CSMD1: variants seen among roughly 807,000 people sequenced by gnomAD.
CSMD1 encodes the protein CUB and sushi domain-containing protein 1.
In CSMD1, 213 loss-of-function variants were observed where a neutral mutation model predicts 417.5. The observed-to-expected ratio is 0.51, with a 90% CI of 0.46 to 0.57. The LOEUF (loss-of-function observed/expected upper bound fraction) is 0.57, where lower values mean the gene tolerates loss of function less well. Ranked by LOEUF, CSMD1 falls within the 20% of genes least tolerant of loss-of-function variation. The pLI, the probability that CSMD1 is intolerant of heterozygous loss-of-function variation, is 0.00. For synonymous variants in CSMD1, 2,862 were observed against 1,736.8 expected, an observed-to-expected ratio of 1.65 and a Z score of -16.11; for missense variants, 6,923 against 4,529.7, an observed-to-expected ratio of 1.53 and a Z score of -15.17.
chr8:3,108,219 C>T (rs943685674), intron 44 of CSMD1, among the ~76,000 whole-genome samples: 20 of 152,104 alleles, frequency 1.3e-4, no homozygotes, highest in Non-Finnish European at 2.8e-4. Context: ...TTCTACATAT[C>T]GTTTAGAGTG....
At chr8:3,863,262 T>C (rs994261593) in intron 5 of CSMD1, among the ~76,000 whole-genome samples, 4 of 152,094 alleles carry the variant, frequency 2.6e-5, no homozygotes, top group Admixed American at 2.6e-4. Context: ...CTAGGTCTGG[T>C]GGCAGGCACC....
chr8:2,947,697 G>A (rs1802346941), intron 68 of CSMD1, among the ~76,000 whole-genome samples: 1 of 152,180 alleles, frequency 6.6e-6, no homozygotes, highest in African/African-American at 2.4e-5. Context: ...ACTAGAGCGT[G>A]TGCTACAGAG....
chr8:3,070,847 G>C (rs939183025), intron 49 of CSMD1, among the ~76,000 whole-genome samples: 21 of 152,202 alleles, frequency 1.4e-4, no homozygotes, highest in African/African-American at 4.8e-4. Context: ...CCAATTTTCT[G>C]TATTAGGCAA....
At chr8:4,322,771 G>A (rs1444073083) in intron 3 of CSMD1, among the ~76,000 whole-genome samples, 2 of 152,192 alleles carry the variant, frequency 1.3e-5, no homozygotes, top group Non-Finnish European at 2.9e-5. Context: ...GAGGTAGGCG[G>A]ATCACTTGAC....
At chr8:4,485,185 G>C (rs568728671) in intron 2 of CSMD1, among the ~76,000 whole-genome samples, 2 of 151,986 alleles carry the variant, frequency 1.3e-5, no homozygotes, top group African/African-American at 4.8e-5. Flanking sequence ...TATAAAGAGA[G>C]TGTCCTTAAT....
chr8:3,754,142 C>G, intron 5 of CSMD1, 100 bp from the exon 6 acceptor site: 1 of 670,840 alleles, frequency 1.5e-6, no homozygotes, highest in South Asian at 1.8e-5. Context: ...AATCCTTCAT[C>G]TTGAGATGCT....
At position 4,574,838 on chromosome 8, in the gene CSMD1, C is replaced by T. The variant is rs141544085; in HGVS notation, c.302+62504G>A. On this transcript the variant is annotated intron_variant, in intron 2 of 69. Transcript: ENST00000635120. Reference sequence around the variant, plus strand: ...CAAAACTAAAACAACAAAAATCTTTCATGATTCAAGTGCTTCTTCGTCCAA... The same window carrying T: ...CAAAACTAAAACAACAAAAATCTTTTATGATTCAAGTGCTTCTTCGTCCAA... Among the ~76,000 whole-genome samples the T allele has an allele frequency of 2.4e-3, 367 of 152,302 alleles. 4 individuals are homozygous for T. The highest frequency in any genetic ancestry group is 8.6e-3 in the African/African-American group (356 of 41,568).
At chr8:3,942,564 C>A (rs1245901532) in intron 5 of CSMD1, among the ~76,000 whole-genome samples, 4 of 152,162 alleles carry the variant, frequency 2.6e-5, no homozygotes, top group African/African-American at 9.7e-5. Flanking sequence ...GTGCTCAGTT[C>A]AGCTTCACAG....
chr8:4,101,869 C>T (rs1801321546), intron 3 of CSMD1, among the ~76,000 whole-genome samples: 1 of 152,248 alleles, frequency 6.6e-6, no homozygotes, highest in African/African-American at 2.4e-5. Flanking sequence ...ATTGCAATTG[C>T]CCATCATCTT....
At chr8:4,680,795 G>C (rs1270852038) in intron 1 of CSMD1, among the ~76,000 whole-genome samples, 1 of 152,026 alleles carries the variant, frequency 6.6e-6, no homozygotes, top group African/African-American at 2.4e-5. Context: ...GGCCAGGATG[G>C]TCTTGATCTC....
chr8:3,584,538 A>T (rs202086802), intron 9 of CSMD1, among the ~76,000 whole-genome samples: 1 of 71,678 alleles, frequency 1.4e-5, no homozygotes, highest in Non-Finnish European at 4.6e-5. Context: ...AGCACCTCTG[A>T]GTGTGTGATA....
Position 3,018,557 on chromosome 8 carries a change from G to A in CSMD1, c.7949C>T (p.Thr2650Ile). The A allele has an allele frequency of 1.9e-6, 3 of 1,613,532 alleles. No homozygotes were observed. Among genetic ancestry groups the A allele is most frequent in the South Asian group, 1.1e-5 (1 of 91,038 alleles). ...ATGAGACCCCACAAGCGTGTAGCCG[G>A]TGTTGCACGTAAATATAGCTGTGGC... ...YGATAIFTCNTGYTLVGSHVR... is the reference protein window; with the variant it reads ...YGATAIFTCNIGYTLVGSHVR... Residue 2650 changes from threonine (T) to isoleucine (I), a missense_variant, in exon 52 of 70, where the codon ACC becomes ATC. Transcript: ENST00000635120.
chr8:4,656,141 G>T (rs1321198247), intron 1 of CSMD1, among the ~76,000 whole-genome samples: 1 of 152,018 alleles, frequency 6.6e-6, no homozygotes, highest in Non-Finnish European at 1.5e-5. Flanking sequence ...GAGGTGATGT[G>T]AAGCAAGGAT....
intron 7 of CSMD1, among the ~76,000 whole-genome samples, chr8:3,617,494 T>C (rs971144128): frequency 1.3e-5 from 2 of 152,166 alleles, no homozygotes; most frequent in African/African-American, 2.4e-5. Flanking sequence ...AGGAATTTGC[T>C]TAGCAGAGGG....
chr8:4,074,998 T>A (rs1236844427), intron 3 of CSMD1, among the ~76,000 whole-genome samples: 1 of 152,160 alleles, frequency 6.6e-6, no homozygotes, highest in Non-Finnish European at 1.5e-5. Flanking sequence ...ACTCTACAAA[T>A]GGGGACATGC....
chr8:3,085,469 G>C (rs990413669), intron 49 of CSMD1, among the ~76,000 whole-genome samples: 3 of 152,118 alleles, frequency 2.0e-5, no homozygotes, highest in African/African-American at 4.8e-5. Flanking sequence ...TCCAAAACAT[G>C]GTGTGCATTC....
At chr8:3,354,296 G>T (rs1808598244) in intron 21 of CSMD1, among the ~76,000 whole-genome samples, 1 of 152,120 alleles carries the variant, frequency 6.6e-6, no homozygotes, top group Admixed American at 6.6e-5. Flanking sequence ...TAACATAATG[G>T]CTGGAAGTAA....
intron 8 of CSMD1, among the ~76,000 whole-genome samples, chr8:3,590,233 A>G (rs1297551325): frequency 6.6e-6 from 1 of 152,184 alleles, no homozygotes; most frequent in Non-Finnish European, 1.5e-5. Flanking sequence ...TTTGAGCGGT[A>G]GTATCACAAG....
chr8:3,385,093 A>T (rs7841892), intron 18 of CSMD1, among the ~76,000 whole-genome samples: 4 of 93,866 alleles, frequency 4.3e-5, no homozygotes, highest in East Asian at 4.4e-4. Context: ...TTATATATAA[A>T]ATATATATAT....
Sources: allele counts gnomAD v4.1 joint callset (sites outside exome capture counted in the v4.1 genomes callset), GRCh38; gene constraint gnomAD v4.1.1; transcripts MANE v1.5; gene names NCBI Gene and HGNC (gene_info 2026-07-23, HGNC 2026-07-21).